The following SCAMP5 variants were observed in gnomAD, a reference collection of about 807,000 sequenced individuals.
SCAMP5 encodes the protein secretory carrier-associated membrane protein 5.
A neutral mutation model predicts 28.3 loss-of-function variants in SCAMP5; 7 were observed. The ratio of observed to expected loss-of-function variants is 0.25; its 90% CI spans 0.14 to 0.46. The LOEUF (loss-of-function observed/expected upper bound fraction) is 0.46. Among genes scored for constraint, SCAMP5 ranks in the 20% least tolerant of loss-of-function variants. The pLI, the probability that SCAMP5 is intolerant of heterozygous loss-of-function variation, is 0.99. For synonymous variants in SCAMP5, 117 were observed against 116.4 expected (o/e 1.00, Z -0.03); for missense variants, 192 against 312.5 (o/e 0.61, Z 2.91).
rs1026352052 is a variant in SCAMP5 at position 74,999,751 on chromosome 15, G to A, written c.-49+4078G>A. ...CAGGAGACGGAGGTTGCAGTGGGCC[G>A]AGATCGCGCCACTGCACTCCAGCCT... On this transcript the variant is annotated intron_variant, in intron 1 of 6. Transcript: ENST00000425597. Among the ~76,000 whole-genome samples, 24 of 152,280 alleles carry A rather than the reference G, an allele frequency of 1.6e-4. No individual in the cohort carries two copies. In the East Asian group the frequency reaches 3.9e-3, roughly 24 times the overall value.
chr15:75,003,346 C>T (rs187308870), intron 1 of SCAMP5, among the ~76,000 whole-genome samples: 1 of 152,194 alleles, frequency 6.6e-6, no homozygotes, highest in Non-Finnish European at 1.5e-5. Flanking sequence ...TGCTTCCCAC[C>T]TACTCTATAT....
At chr15:75,006,072 A>T (rs967825533) in intron 1 of SCAMP5, among the ~76,000 whole-genome samples, 4 of 134,872 alleles carry the variant, frequency 3.0e-5, no homozygotes, top group Non-Finnish European at 4.6e-5. Flanking sequence ...CTCTCGGCTC[A>T]CTGAAACCTC....
intron 1 of SCAMP5, among the ~76,000 whole-genome samples, chr15:75,007,954 T>G (rs2065776212): frequency 6.6e-6 from 1 of 152,062 alleles, no homozygotes; most frequent in Non-Finnish European, 1.5e-5. Flanking sequence ...TCTGCCTTGG[T>G]GTCTCAAAGT....
At chr15:75,016,785 C>CTCTGCCCATCTCCCCTG in intron 4 of SCAMP5, 36 bp downstream of exon 4, 2 of 1,545,928 alleles carry the variant, frequency 1.3e-6, no homozygotes, top group Non-Finnish European at 1.8e-6. Context: ...GCCTAGCCGT[C>CTCTGCCCATCTCCCCTG]TCTGCCCATC....
At chr15:75,009,592 T>G (rs1421053703) in intron 1 of SCAMP5, among the ~76,000 whole-genome samples, 1 of 151,964 alleles carries the variant, frequency 6.6e-6, no homozygotes, top group Non-Finnish European at 1.5e-5. Flanking sequence ...TCCTCCCACT[T>G]CAGCCTCCTG....
rs765542639 is a variant in SCAMP5, at chr15:75,018,518, T to C, written c.496T>C (p.Phe166Leu). 3.7e-6 allele frequency: 6 copies of C among 1,610,178 alleles called. No homozygotes were observed. Among genetic ancestry groups the C allele is most frequent in the Non-Finnish European group, 5.1e-6 (6 of 1,176,564 alleles). ...GTTCACAGTGATGGCCGTCTTTTCCTTCATCGCCCTCAGCATGGTACGTGG... is the reference window on the plus strand; with the variant it reads ...GTTCACAGTGATGGCCGTCTTTTCCCTCATCGCCCTCAGCATGGTACGTGG... ...VMFTVMAVFSFIALSMVHKFY... is the reference protein window; with the variant it reads ...VMFTVMAVFSLIALSMVHKFY... Residue 166 changes from phenylalanine to leucine, a missense_variant, in exon 6 of 7, where the codon TTC becomes CTC. Coordinates refer to ENST00000425597, the MANE Select transcript of SCAMP5 (RefSeq NM_138967.4). The surrounding 1 kb of genome is among the most constrained non-coding windows in gnomAD (Gnocchi z 5.6).
At chr15:75,016,870 T>G in intron 4 of SCAMP5, 121 bp downstream of exon 4, 1 of 947,948 alleles carries the variant, frequency 1.1e-6, no homozygotes, top group Non-Finnish European at 1.5e-6. Context: ...CACTTTCCCT[T>G]GCTCACCTTT....
In SCAMP5 at chr15:75,011,975, T is replaced by C. The variant is rs186092928; in HGVS notation, c.7+129T>C. 4.1e-4 allele frequency: 271 copies of C among 667,128 alleles called. No homozygotes were observed. In the African/African-American group the frequency reaches 4.5e-3, roughly 11 times the overall value. 41.3% of individuals were successfully genotyped at this position (667,128 alleles called of 1,614,324 possible). On this transcript the variant is annotated intron_variant, in intron 2 of 6. Coordinates refer to ENST00000425597, the MANE Select transcript of SCAMP5 (RefSeq NM_138967.4). ...TCTTTCCATCTTACTGTCCCCAAGC[T>C]TTCCCCACTCTCTCCACTGAGGCCT...
In SCAMP5 at chr15:75,019,176, C is replaced by T. The variant is rs1056307011; in HGVS notation, c.*193C>T. 5.0e-5 allele frequency: 20 copies of T among 400,308 alleles called. No homozygotes were observed. Among genetic ancestry groups the T allele is most frequent in the African/African-American group, 3.7e-4 (18 of 48,022 alleles). 24.8% of individuals were successfully genotyped at this position (400,308 alleles called of 1,614,324 possible). A position where few individuals can be genotyped will look rare whatever the true frequency, so the allele number is the denominator to read the frequency against. ...CAGCCCCCACCTTTCAGATTCTGCT[C>T]TTGGCACTCAGCTGTGGGCTGCACG... On this transcript the variant is annotated 3_prime_UTR_variant, in exon 7 of 7. Transcript: ENST00000425597.
chr15:75,006,215 T>C (rs1595883503), intron 1 of SCAMP5, among the ~76,000 whole-genome samples: 1 of 151,118 alleles, frequency 6.6e-6, no homozygotes, highest in Non-Finnish European at 1.5e-5. Context: ...GCCAGGCTGG[T>C]CTCGAACTCC....
At chr15:75,013,840 TA>T (rs1244873485) in intron 3 of SCAMP5, among the ~76,000 whole-genome samples, 1 of 152,084 alleles carries the variant, frequency 6.6e-6, no homozygotes, top group Non-Finnish European at 1.5e-5. Flanking sequence ...AAAAAATAAT[TA>T]AATAATCTAG....
intron 1 of SCAMP5, among the ~76,000 whole-genome samples, chr15:75,005,969 G>A (rs2065753868): frequency 1.5e-5 from 2 of 135,490 alleles, no homozygotes; most frequent in South Asian, 2.5e-4. Flanking sequence ...CAAGTGATCC[G>A]CCTCGGCCTC....
chr15:75,011,751 G>T (rs2065813513), intron 1 of SCAMP5, 41 bp from the exon 2 acceptor site: 13 of 1,156,408 alleles, frequency 1.1e-5, no homozygotes, highest in Non-Finnish European at 1.7e-5. Context: ...GGTTGGGTGT[G>T]GCCCTGATCT....
chr15:75,019,911 TCTC>T lies in SCAMP5; in HGVS notation c.*934_*936del, dbSNP rs1397502660. The T allele has an allele frequency of 2.0e-5, 3 of 152,466 alleles. No homozygotes were observed. The highest frequency in any genetic ancestry group is 6.5e-5 in the Admixed American group (1 of 15,278). 9.4% of individuals were successfully genotyped at this position (152,466 alleles called of 1,614,324 possible). A position where few individuals can be genotyped will look rare whatever the true frequency, so the allele number is the denominator to read the frequency against. The stretch of plus-strand genomic sequence containing the variant: ...GGCTCATCTTTTCTCTCCCCTGCCT[TCTC>T]CTCCTTCTCTCCCCAGAGCCCCCTT... On this transcript the variant is annotated 3_prime_UTR_variant, in exon 7 of 7. Transcript: ENST00000425597.
At chr15:75,014,109 G>A (rs967913183) in intron 3 of SCAMP5, among the ~76,000 whole-genome samples, 1 of 152,184 alleles carries the variant, frequency 6.6e-6, no homozygotes, top group Non-Finnish European at 1.5e-5. Context: ...TCTGCTATAT[G>A]TGACACTGCC....
chr15:74,999,189 C>T (rs1045091858), intron 1 of SCAMP5, among the ~76,000 whole-genome samples: 1 of 152,214 alleles, frequency 6.6e-6, no homozygotes, highest in Non-Finnish European at 1.5e-5. Context: ...CTAACTAATG[C>T]TTTATGTGCT....
At chr15:75,002,842 T>C (rs977076911) in intron 1 of SCAMP5, among the ~76,000 whole-genome samples, 3 of 152,136 alleles carry the variant, frequency 2.0e-5, no homozygotes, top group Admixed American at 1.3e-4. Context: ...ATTTTGTCAG[T>C]TCTAAGATGA....
At position 75,017,917 on chromosome 15, in the gene SCAMP5, C is replaced by G; in HGVS notation, c.341C>G (p.Ala114Gly). ...ATGGCATTCTTCTTTACCTTCATGG[C>G]TCAGTTGGTCATCAGCATCATCCAG... ...SFMAFFFTFM[A>G]QLVISIIQAV... is the part of the protein sequence containing the mutation. Residue 114 changes from alanine (A) to glycine (G), a missense_variant, in exon 5 of 7, where the codon GCT becomes GGT. Physicochemically the swap from Ala to Gly is moderately conservative, Grantham distance 60. Coordinates refer to ENST00000425597, the MANE Select transcript of SCAMP5 (RefSeq NM_138967.4). The G allele has an allele frequency of 6.2e-7, 1 of 1,613,926 alleles. No individual in the cohort carries two copies. The highest frequency in any genetic ancestry group is 1.3e-5 in the African/African-American group (1 of 75,048).
At chr15:74,997,794 A>G (rs771567207) in intron 1 of SCAMP5, among the ~76,000 whole-genome samples, 30 of 152,320 alleles carry the variant, frequency 2.0e-4, no homozygotes, top group Non-Finnish European at 2.5e-4. Flanking sequence ...AGGCTACTGA[A>G]TAGTCATCAG....
Sources: allele counts gnomAD v4.1 joint callset (sites outside exome capture counted in the v4.1 genomes callset), GRCh38; gene constraint gnomAD v4.1.1; non-coding constraint Gnocchi (gnomAD v3.1); transcripts MANE v1.5; gene names NCBI Gene and HGNC (gene_info 2026-07-23, HGNC 2026-07-21).